The following MMP24 variants were observed in gnomAD, a reference collection of about 807,000 sequenced individuals.
MMP24 encodes matrix metalloproteinase-24.
Under a neutral mutation model 62.8 loss-of-function variants are expected in MMP24, and 25 were observed. The ratio of observed to expected loss-of-function variants is 0.40; its 90% CI spans 0.29 to 0.56. The LOEUF is 0.56. MMP24 is among the 20% of genes least tolerant of loss of function. The pLI is 0.50. For synonymous variants in MMP24, 319 were observed against 350.5 expected (o/e 0.91, Z 1.00); for missense variants, 634 against 853.6 (o/e 0.74, Z 3.21).
At chr20:35,252,861 A>T in intron 3 of MMP24, among the ~76,000 whole-genome samples, 1 of 79,594 alleles carries the variant, frequency 1.3e-5, no homozygotes, top group Non-Finnish European at 2.5e-5. Flanking sequence ...GGGCAGGCTC[A>T]GGTGGGGCTG....
At chr20:35,263,432 C>G (rs923660453) in intron 4 of MMP24, 5 of 153,804 alleles carry the variant, frequency 3.3e-5, no homozygotes, top group African/African-American at 1.4e-4. Flanking sequence ...ATCCGTTCTC[C>G]TGACTAACTT....
chr20:35,245,822 AAAG>A (rs1054866683), intron 1 of MMP24, among the ~76,000 whole-genome samples: 5 of 152,034 alleles, frequency 3.3e-5, no homozygotes, highest in African/African-American at 9.7e-5. Flanking sequence ...AAAAAAAAAA[AAAG>A]AATAAGTTGC....
chr20:35,232,069 T>C (rs2060440376), intron 1 of MMP24, among the ~76,000 whole-genome samples: 1 of 152,082 alleles, frequency 6.6e-6, no homozygotes, highest in Non-Finnish European at 1.5e-5. Flanking sequence ...TTAAAGCAAA[T>C]AACAGAAGCT....
At chr20:35,251,497 C>T (rs993750600) in intron 2 of MMP24, among the ~76,000 whole-genome samples, 2 of 152,154 alleles carry the variant, frequency 1.3e-5, no homozygotes, top group Non-Finnish European at 2.9e-5. Flanking sequence ...CCTGTAATCT[C>T]ATTGCATTTA....
At position 35,267,192 on chromosome 20, in the gene MMP24, C is replaced by T; in HGVS notation, c.980-13C>T. On this transcript the variant is annotated splice_polypyrimidine_tract_variant and intron_variant, in intron 5 of 8. Transcript: ENST00000246186. Reference sequence around the variant, plus strand: ...CGGCTGCCCCCTCTCTAAGATGCAGCTCCTCTCTCCAGGACCCCCAGCCGA... The same window carrying T: ...CGGCTGCCCCCTCTCTAAGATGCAGTTCCTCTCTCCAGGACCCCCAGCCGA... The T allele has an allele frequency of 6.4e-7, 1 of 1,569,832 alleles. No individual in the cohort carries two copies. The highest frequency in any genetic ancestry group is 1.4e-5 in the African/African-American group (1 of 73,454).
Position 35,236,468 on chromosome 20 carries a change from C to T in MMP24, c.246+9484C>T, listed in dbSNP as rs915883565. ...ATTATGCCTTCAGTATGAAATTTTA[C>T]GAATTAGTTATATAACTCAGGTGGG... On this transcript the variant is annotated intron_variant, in intron 1 of 8. Transcript: ENST00000246186. Among the ~76,000 whole-genome samples, 5 of 152,102 alleles carry T rather than the reference C, an allele frequency of 3.3e-5. No individual in the cohort carries two copies. The East Asian group carries it at 7.7e-4, about 23-fold the overall frequency.
At chr20:35,262,491 C>A (rs1368145298) in intron 4 of MMP24, among the ~76,000 whole-genome samples, 1 of 151,382 alleles carries the variant, frequency 6.6e-6, no homozygotes. Context: ...TTGCTGCCCG[C>A]AGGTCCCACC....
intron 4 of MMP24, among the ~76,000 whole-genome samples, chr20:35,257,661 C>T (rs1345495444): frequency 6.6e-6 from 1 of 152,196 alleles, no homozygotes; most frequent in Non-Finnish European, 1.5e-5. Flanking sequence ...CCCCAAATCC[C>T]AAGAGCCGGT....
At chr20:35,248,560 G>A (rs2060527955) in intron 2 of MMP24, among the ~76,000 whole-genome samples, 1 of 152,102 alleles carries the variant, frequency 6.6e-6, no homozygotes, top group African/African-American at 2.4e-5. Flanking sequence ...GGCCCACCTC[G>A]GCCTCCCAGA....
intron 5 of MMP24, chr20:35,264,280 C>T (rs2060619850): frequency 5.4e-6 from 1 of 185,338 alleles, no homozygotes; most frequent in Non-Finnish European, 1.1e-5. Flanking sequence ...CCTCCCACAC[C>T]AGATGGTGAC....
chr20:35,264,113 GCCAGAGGGCAAGGCTTCC>G, intron 5 of MMP24, 161 bp downstream of exon 5: 1 of 812,052 alleles, frequency 1.2e-6, no homozygotes, highest in South Asian at 2.5e-5. Flanking sequence ...GCTTTGCCTG[GCCAGAGGGCAAGGCTTCC>G]CCTGGCACAC....
At chr20:35,253,242 G>T (rs2060556825) in intron 3 of MMP24, among the ~76,000 whole-genome samples, 1 of 142,884 alleles carries the variant, frequency 7.0e-6, no homozygotes, top group African/African-American at 2.7e-5. Context: ...GGGCTCCCCT[G>T]CTGACAAGCA....
At position 35,227,000 on chromosome 20, in the gene MMP24, G is replaced by A. The variant is rs1253826289; in HGVS notation, c.246+16G>A. On this transcript the variant is annotated intron_variant, in intron 1 of 8. Coordinates refer to ENST00000246186, the MANE Select transcript of MMP24 (RefSeq NM_006690.4). ...CGCCGGGCAGGTGGGGCTGGCGCGCGGGGCCGGGGCGCGGGCTCGGGGCAT... is the reference window on the plus strand; with the variant it reads ...CGCCGGGCAGGTGGGGCTGGCGCGCAGGGCCGGGGCGCGGGCTCGGGGCAT... 2.6e-5 allele frequency: 25 copies of A among 980,372 alleles called. No homozygotes were observed. The highest frequency in any genetic ancestry group is 3.5e-5 in the African/African-American group (2 of 56,532). 60.7% of individuals were successfully genotyped at this position (980,372 alleles called of 1,614,324 possible). A position where few individuals can be genotyped will look rare whatever the true frequency, so the allele number is the denominator to read the frequency against.
At chr20:35,260,715 C>T (rs2060598201) in intron 4 of MMP24, among the ~76,000 whole-genome samples, 1 of 152,244 alleles carries the variant, frequency 6.6e-6, no homozygotes, top group African/African-American at 2.4e-5. Flanking sequence ...GGCTTTTGGC[C>T]AACCTTGCAC....
chr20:35,231,787 C>T (rs1362438548), intron 1 of MMP24, among the ~76,000 whole-genome samples: 1 of 152,172 alleles, frequency 6.6e-6, no homozygotes, highest in Non-Finnish European at 1.5e-5. Flanking sequence ...CATGGTGGCT[C>T]ACACCTGTAA....
chr20:35,246,754 TC>T, intron 1 of MMP24, 85 bp from the exon 2 acceptor site: 2 of 1,475,252 alleles, frequency 1.4e-6, no homozygotes, highest in Non-Finnish European at 1.9e-6. Flanking sequence ...GGTCAAATGA[TC>T]CCTCGTGTTC....
intron 4 of MMP24, among the ~76,000 whole-genome samples, chr20:35,261,166 G>A (rs757147271): frequency 2.6e-5 from 4 of 152,152 alleles, no homozygotes; most frequent in African/African-American, 9.7e-5. Context: ...CCAAAGCTGC[G>A]GTTACTTCAT....
intron 1 of MMP24, among the ~76,000 whole-genome samples, chr20:35,227,896 C>A (rs566535540): frequency 6.6e-6 from 1 of 152,266 alleles, no homozygotes; most frequent in South Asian, 2.1e-4. Context: ...GGAATTCTAA[C>A]CTAGGCAGGC....
intron 4 of MMP24, among the ~76,000 whole-genome samples, chr20:35,260,074 C>T (rs567128461): frequency 9.9e-5 from 15 of 152,274 alleles, no homozygotes; most frequent in African/African-American, 2.9e-4. Flanking sequence ...GCTTCCCTGC[C>T]GCTCACCCTC....
Sources: gnomAD v4.1 joint callset for allele counts (sites outside exome capture counted in the v4.1 genomes callset) on GRCh38, gnomAD v4.1.1 for gene constraint, MANE v1.5 for transcripts, NCBI Gene and HGNC (gene_info 2026-07-23, HGNC 2026-07-21) for gene names.